ADGRL2: variants seen among roughly 807,000 people sequenced by gnomAD.
ADGRL2 encodes adhesion G protein-coupled receptor L2.
ADGRL2 carries 44 observed loss-of-function variants against 157.4 expected under a neutral mutation model. That is an observed-to-expected ratio of 0.28 (90% CI 0.22 to 0.36). The LOEUF (loss-of-function observed/expected upper bound fraction) is 0.36, where lower values mean the gene tolerates loss of function less well. ADGRL2 is among the 10% of genes least tolerant of loss of function. ADGRL2 has a pLI of 1.00. For missense variants in ADGRL2, 1,510 were observed against 1,768.9 expected (o/e 0.85, Z 2.63); for synonymous variants, 585 against 624.7 (o/e 0.94, Z 0.95).
chr1:81,692,227 C>T (rs774679845), intron 3 of ADGRL2, among the ~76,000 whole-genome samples: 25 of 151,824 alleles, frequency 1.6e-4, no homozygotes, highest in Admixed American at 7.9e-4. Context: ...GCCAACATGG[C>T]GAAACCCCAT....
intron 3 of ADGRL2, among the ~76,000 whole-genome samples, chr1:81,638,690 A>G (rs1351658770): frequency 2.0e-5 from 3 of 152,200 alleles, no homozygotes; most frequent in African/African-American, 7.2e-5. Flanking sequence ...TATAACTGAT[A>G]TGCTGATAAA....
intron 1 of ADGRL2, among the ~76,000 whole-genome samples, chr1:81,310,814 G>T (rs1659699560): frequency 6.8e-6 from 1 of 147,812 alleles, no homozygotes; most frequent in African/African-American, 2.5e-5. Flanking sequence ...TTTCAGATTT[G>T]ATTTCTCTGT....
At chr1:81,431,425 G>C (rs2077318718) in intron 1 of ADGRL2, among the ~76,000 whole-genome samples, 2 of 152,252 alleles carry the variant, frequency 1.3e-5, no homozygotes, top group South Asian at 4.1e-4. Flanking sequence ...GAAGTAGAGA[G>C]GCTGCCGCTG....
In ADGRL2 at chr1:81,709,578, A is replaced by AT. The variant is rs879547718; in HGVS notation, c.-143+9780dup. ...AAAAAAACCTTAGTGTTTGGAGTTT[A>AT]TTTTTTTTTTAATTTAAACTTTATT... is the stretch of plus-strand genomic sequence containing the variant. On this transcript the variant is annotated intron_variant, in intron 1 of 20. Coordinates refer to the ADGRL2 transcript ENST00000359929. Among the ~76,000 whole-genome samples the AT allele has an allele frequency of 3.6e-3, 544 of 150,022 alleles. 1 individual carries two copies. Among genetic ancestry groups the AT allele is most frequent in the African/African-American group, 0.012 (485 of 40,940 alleles).
intron 1 of ADGRL2, among the ~76,000 whole-genome samples, chr1:81,818,586 T>C (rs2090655592): frequency 6.6e-6 from 1 of 152,202 alleles, no homozygotes; most frequent in Non-Finnish European, 1.5e-5. Flanking sequence ...ATATTACATC[T>C]ACCTTGCCAT....
rs114493781 is a variant in ADGRL2, at chr1:81,460,245, A to G, written c.-248+15156A>G. ...TTTTATTTTTGTCATGTAAATTTTT[A>G]TATTAATGATTTATATTAATTATAT... is the stretch of plus-strand genomic sequence containing the variant. On this transcript the variant is annotated intron_variant, in intron 2 of 24. Coordinates refer to the ADGRL2 transcript ENST00000370721. Among the ~76,000 whole-genome samples, 1,383 of 151,606 alleles carry G rather than the reference A, an allele frequency of 9.1e-3. 25 individuals carry two copies. The highest frequency in any genetic ancestry group is 0.032 in the African/African-American group (1,313 of 41,440).
intron 1 of ADGRL2, among the ~76,000 whole-genome samples, chr1:81,810,746 G>A (rs995250530): frequency 6.6e-5 from 10 of 151,656 alleles, no homozygotes; most frequent in African/African-American, 2.2e-4. Context: ...CTGAAGATTC[G>A]TGTACTGAAA....
Position 81,871,435 on chromosome 1 carries a change from T to C in ADGRL2, c.73+34378T>C, listed in dbSNP as rs530317790. Among the ~76,000 whole-genome samples the C allele has an allele frequency of 3.9e-5, 6 of 152,312 alleles. No individual in the cohort carries two copies. The East Asian group carries it at 1.2e-3, about 29-fold the overall frequency. Reference sequence around the variant, plus strand: ...TTTATAGCAGCATGATTTATAATCCTTTGGGTGTATACCCAGTAATGGGAT... The same window carrying C: ...TTTATAGCAGCATGATTTATAATCCCTTGGGTGTATACCCAGTAATGGGAT... On this transcript the variant is annotated intron_variant, in intron 2 of 23. Coordinates refer to ENST00000686636, the MANE Select transcript of ADGRL2 (RefSeq NM_001366006.2).
intron 3 of ADGRL2, among the ~76,000 whole-genome samples, chr1:81,636,586 G>A (rs573988884): frequency 1.1e-4 from 16 of 151,938 alleles, no homozygotes; most frequent in East Asian, 1.9e-4. Context: ...CCATGTTCTC[G>A]GGAGCTTTAA....
At chr1:81,658,327 T>TC (rs2082579550) in intron 3 of ADGRL2, among the ~76,000 whole-genome samples, 1 of 152,164 alleles carries the variant, frequency 6.6e-6, no homozygotes, top group Non-Finnish European at 1.5e-5. Context: ...ACTCCTGACC[T>TC]CAGGTGATCC....
In ADGRL2 at chr1:81,984,698, C is replaced by A. The variant is rs143415657; in HGVS notation, c.3398C>A (p.Ser1133Tyr). ...ACCACCAGAACCAGTGCTCGCTATT[C>A]CTCTGGCACACAGGTAACAAAGAGT... ...ASTTRTSARY[S>Y]SGTQSRIRRM... Residue 1133 changes from serine to tyrosine, a missense_variant, in exon 20 of 24, where the codon TCC (serine) becomes TAC (tyrosine). By Grantham distance (144) the Ser-to-Tyr change is moderately radical (BLOSUM62 -2). Around this residue, in one of 4 missense-constraint regions of ADGRL2, gnomAD observed 497 missense variants for 627.2 expected, o/e 0.79. Transcript: ENST00000686636. 129 of 1,612,624 alleles carry A rather than the reference C, an allele frequency of 8.0e-5. No homozygotes were observed. The highest frequency in any genetic ancestry group is 5.3e-5 in the Non-Finnish European group (62 of 1,179,088).
intron 1 of ADGRL2, among the ~76,000 whole-genome samples, chr1:81,409,264 A>G (rs771301860): frequency 7.1e-6 from 1 of 140,524 alleles, no homozygotes; most frequent in Non-Finnish European, 1.5e-5. Flanking sequence ...TATAAAGGAG[A>G]CACCTCCTAC....
chr1:81,636,414 T>C (rs1371268522), intron 3 of ADGRL2, among the ~76,000 whole-genome samples: 1 of 152,128 alleles, frequency 6.6e-6, no homozygotes, highest in Admixed American at 6.5e-5. Flanking sequence ...CATGGGCTTT[T>C]ATGATAAAAT....
At chr1:81,351,142 G>A (rs1254566001) in intron 1 of ADGRL2, among the ~76,000 whole-genome samples, 1 of 151,904 alleles carries the variant, frequency 6.6e-6, no homozygotes, top group Non-Finnish European at 1.5e-5. Flanking sequence ...GACTTTCAGA[G>A]GTTTAACGCT....
intron 1 of ADGRL2, among the ~76,000 whole-genome samples, chr1:81,438,267 T>C (rs2077445074): frequency 6.6e-6 from 1 of 152,200 alleles, no homozygotes; most frequent in African/African-American, 2.4e-5. Flanking sequence ...CATTATTAAC[T>C]TTTCAGGAAT....
chr1:81,950,476 A>G lies in ADGRL2; in HGVS notation c.1498A>G (p.Thr500Ala), dbSNP rs1651417467. The G allele has an allele frequency of 6.2e-7, 1 of 1,611,626 alleles. No homozygotes were observed. Among genetic ancestry groups the G allele is most frequent in the Admixed American group, 1.7e-5 (1 of 59,626 alleles). The change falls in exon 7 of 24, where the codon ACA becomes GCA. Residue 500 changes from threonine (T) to alanine (A), a missense_variant. Transcript: ENST00000686636. Reference sequence around the variant, plus strand: ...GGTTGAACGACCATGCCCTAAGGGAACAAGAGGTATTTTCTATAAACTACC... The same window carrying G: ...GGTTGAACGACCATGCCCTAAGGGAGCAAGAGGTATTTTCTATAAACTACC... Reference protein sequence around the residue: ...MMVERPCPKGTRGTASYLCMI... With the variant: ...MMVERPCPKGARGTASYLCMI...
chr1:81,602,696 C>G (rs1017373932), intron 3 of ADGRL2, among the ~76,000 whole-genome samples: 3 of 151,714 alleles, frequency 2.0e-5, no homozygotes, highest in African/African-American at 7.3e-5. Flanking sequence ...GTCAGGAGTT[C>G]AAGACCAGCC....
chr1:81,339,165 C>T (rs924230894), intron 1 of ADGRL2, among the ~76,000 whole-genome samples: 1 of 152,096 alleles, frequency 6.6e-6, no homozygotes, highest in Admixed American at 6.6e-5. Context: ...TAAGGCCTTC[C>T]CATGGATTAT....
At chr1:81,641,243 A>G (rs538307562) in intron 3 of ADGRL2, among the ~76,000 whole-genome samples, 3 of 152,226 alleles carry the variant, frequency 2.0e-5, no homozygotes, top group African/African-American at 4.8e-5. Flanking sequence ...ACCCCTGTAT[A>G]TGAAATGGAC....
Sources: gnomAD v4.1 joint callset for allele counts (sites outside exome capture counted in the v4.1 genomes callset) on GRCh38, gnomAD v4.1.1 for gene constraint, gnomAD v4.1.1 regional missense constraint, MANE v1.5 for transcripts, NCBI Gene and HGNC (gene_info 2026-07-23, HGNC 2026-07-21) for gene names.